Variants in CIROZ observed in about 807,000 individuals in gnomAD.
The protein encoded by CIROZ is ciliated left-right organizer ZP-N domains-containing protein.
the CIROZ span, among the ~76,000 whole-genome samples, chr1:10,971,744 C>T: frequency 2.6e-5 from 4 of 152,134 alleles, no homozygotes; most frequent in Admixed American, 6.5e-5. Flanking sequence ...AAGGTTGTCT[C>T]GCACTGAGGC....
chr1:10,955,591 C>T, the CIROZ span, among the ~76,000 whole-genome samples: 4 of 152,040 alleles, frequency 2.6e-5, no homozygotes, highest in African/African-American at 7.2e-5. Context: ...GCCTGTAATC[C>T]CAGCACTTTG....
the CIROZ span, among the ~76,000 whole-genome samples, chr1:10,965,334 A>G: frequency 6.6e-6 from 1 of 152,174 alleles, no homozygotes; most frequent in African/African-American, 2.4e-5. Flanking sequence ...AAGAAATGGA[A>G]AGGGGAAGTG....
the CIROZ span, among the ~76,000 whole-genome samples, chr1:10,978,428 G>A: frequency 6.6e-3 from 997 of 151,502 alleles, 12 homozygotes; most frequent in African/African-American, 0.022. Context: ...ACGGAGTCCC[G>A]CTGGGCATGG....
chr1:10,949,835 G>A, the CIROZ span: 1 of 1,523,460 alleles, frequency 6.6e-7, no homozygotes, highest in Non-Finnish European at 8.8e-7. Context: ...GAAGACAGAG[G>A]TCAGCCTTCC....
At chr1:10,957,108 C>G in the CIROZ span, 1 of 1,548,628 alleles carries the variant, frequency 6.5e-7, no homozygotes, top group East Asian at 2.4e-5. Context: ...TGTTCAGCAC[C>G]TGGGGAGGAA....
At chr1:10,964,149 G>T in the CIROZ span, 1 of 1,613,962 alleles carries the variant, frequency 6.2e-7, no homozygotes. Context: ...TGGGCCCACA[G>T]TGGACGCTTT....
the CIROZ span, among the ~76,000 whole-genome samples, chr1:10,972,353 G>A: frequency 6.6e-6 from 1 of 151,490 alleles, no homozygotes; most frequent in South Asian, 2.1e-4. Flanking sequence ...TTTAGTGTGC[G>A]ATGATCATGC....
At chr1:10,973,631 G>A in the CIROZ span, among the ~76,000 whole-genome samples, 1 of 152,184 alleles carries the variant, frequency 6.6e-6, no homozygotes, top group African/African-American at 2.4e-5. Context: ...CAGCAGGGAG[G>A]TGTGGCTGGG....
At chr1:10,971,603 C>T in the CIROZ span, among the ~76,000 whole-genome samples, 1 of 152,040 alleles carries the variant, frequency 6.6e-6, no homozygotes, top group East Asian at 1.9e-4. Flanking sequence ...TCCTCACTGA[C>T]CACCCCCACC....
At chr1:10,976,068 C>T in the CIROZ span, 7 of 1,092,484 alleles carry the variant, frequency 6.4e-6, no homozygotes, top group East Asian at 1.6e-4. Flanking sequence ...CAAAGTTGCC[C>T]AGTGTCACCC....
chr1:10,977,908 G>A, the CIROZ span, among the ~76,000 whole-genome samples: 7,024 of 152,130 alleles, frequency 0.046, 537 homozygotes, highest in African/African-American at 0.16. Flanking sequence ...TGTGGTTCAC[G>A]CCTGTAATCC....
At chr1:10,964,377 C>A in the CIROZ span, 1 of 1,318,834 alleles carries the variant, frequency 7.6e-7, no homozygotes, top group Admixed American at 2.2e-5. Flanking sequence ...ACACCATGAA[C>A]CTCCTAGAAG....
At chr1:10,979,466 T>C in the CIROZ span, among the ~76,000 whole-genome samples, 1 of 152,110 alleles carries the variant, frequency 6.6e-6, no homozygotes, top group East Asian at 1.9e-4. Context: ...ATTGGCAGAA[T>C]GTGGAGCATT....
chr1:10,968,368 T>C, the CIROZ span, among the ~76,000 whole-genome samples: 1 of 152,230 alleles, frequency 6.6e-6, no homozygotes. Flanking sequence ...GTGCATTTGA[T>C]GGAAGATGAA....
At chr1:10,964,363 TA>T in the CIROZ span, 1 of 1,397,362 alleles carries the variant, frequency 7.2e-7, no homozygotes, top group African/African-American at 1.4e-5. Flanking sequence ...TCACAGCAAA[TA>T]GGACACCATG....
At chr1:10,977,580 A>G in the CIROZ span, among the ~76,000 whole-genome samples, 2 of 152,238 alleles carry the variant, frequency 1.3e-5, no homozygotes, top group East Asian at 1.9e-4. Flanking sequence ...AACCAGTTCA[A>G]AGGAGAAGAA....
chr1:10,956,294 AAC>A, the CIROZ span, among the ~76,000 whole-genome samples: 6 of 151,996 alleles, frequency 3.9e-5, no homozygotes, highest in African/African-American at 1.4e-4. Flanking sequence ...GGCTGAACAA[AAC>A]AGTTATCACA....
chr1:10,955,050 C>T, the CIROZ span: 10 of 1,613,500 alleles, frequency 6.2e-6, no homozygotes, highest in African/African-American at 1.1e-4. Flanking sequence ...TGTTCTCAGT[C>T]ACCATAAAGA....
chr1:10,978,221 A>AT, the CIROZ span, among the ~76,000 whole-genome samples: 26 of 149,724 alleles, frequency 1.7e-4, no homozygotes, highest in African/African-American at 5.4e-4. Flanking sequence ...ATTTATTAGT[A>AT]TTTTTTTTGT....
Sources: gnomAD v4.1 joint callset for allele counts (sites outside exome capture counted in the v4.1 genomes callset) on GRCh38, gnomAD v4.1.1 for gene constraint, MANE v1.5 for transcripts, NCBI Gene and HGNC (gene_info 2026-07-23, HGNC 2026-07-21) for gene names.